The following MCF2L2 variants were observed in gnomAD, a reference collection of about 807,000 sequenced individuals.
The protein encoded by MCF2L2 is MCF.2 cell line derived transforming sequence-like 2.
A neutral mutation model predicts 150.2 loss-of-function variants in MCF2L2; 102 were observed. That is an observed-to-expected ratio of 0.68 (90% CI 0.58 to 0.80). The LOEUF (loss-of-function observed/expected upper bound fraction) is 0.80. Ranked by LOEUF, MCF2L2 falls within the 30% of genes least tolerant of loss-of-function variation. The probability of loss-of-function intolerance (pLI) is 0.00; values close to 1 mark genes in which losing one functional copy is unlikely to be tolerated. For synonymous variants in MCF2L2, 465 were observed against 491.3 expected (o/e 0.95, Z 0.71); for missense variants, 1,256 against 1,372.8 (o/e 0.91, Z 1.34).
At chr3:183,341,492 G>A in intron 4 of MCF2L2, 48 bp downstream of exon 4, 1 of 1,415,542 alleles carries the variant, frequency 7.1e-7, no homozygotes, top group Non-Finnish European at 1.0e-6. Context: ...TAGTTGAACA[G>A]ACAATTTAAA....
Position 183,428,072 on chromosome 3 carries a change from G to T in MCF2L2, c.-95C>A. On this transcript the variant is annotated 5_prime_UTR_variant, in exon 1 of 30. Coordinates refer to ENST00000328913, the MANE Select transcript of MCF2L2 (RefSeq NM_015078.4). This position sits in a 1 kb window ranked among gnomAD's most constrained non-coding sequence, Gnocchi z 5.1. ...TTTAAAGGCATCTCCGCCCAAGGAT[G>T]CTCTGCCCTCGCCCTCTTCCTGGCT... The T allele has an allele frequency of 1.1e-6, 1 of 934,500 alleles. No homozygotes were observed. Among genetic ancestry groups the T allele is most frequent in the Non-Finnish European group, 1.8e-6 (1 of 569,914 alleles). The allele number at this position is 934,500 out of a possible 1,614,324, so 57.9% of individuals were successfully genotyped here. A position where few individuals can be genotyped will look rare whatever the true frequency, so the allele number is the denominator to read the frequency against.
At chr3:183,238,364 G>A (rs1026646645) in intron 15 of MCF2L2, among the ~76,000 whole-genome samples, 2 of 151,244 alleles carry the variant, frequency 1.3e-5, no homozygotes, top group African/African-American at 2.4e-5. Context: ...GTGCAGTCTC[G>A]GCTCACTGCC....
intron 3 of MCF2L2, among the ~76,000 whole-genome samples, chr3:183,361,120 A>AAT (rs1712173535): frequency 1.1e-5 from 1 of 88,822 alleles, no homozygotes; most frequent in Admixed American, 9.8e-5. Flanking sequence ...GAAAAAAGAA[A>AAT]AAGAAAAGAA....
In MCF2L2 at chr3:183,193,028, T is replaced by C. The variant is rs1397588001; in HGVS notation, c.2987A>G (p.Asp996Gly). 1.2e-6 allele frequency: 2 copies of C among 1,614,088 alleles called. No homozygotes were observed. The highest frequency in any genetic ancestry group is 1.7e-6 in the Non-Finnish European group (2 of 1,180,002). The part of the protein sequence containing the change: ...NMERATTSKE[D>G]PASSTGGIKG... ...AATCCCTCCTGTGCTGGAGGCCGGG[T>C]CTTCCTTGCTAGTGGTAGCTCTTTC... The change falls in exon 27 of 30, where the codon GAC (aspartate) becomes GGC (glycine). Residue 996 changes from aspartate to glycine, a missense_variant. Transcript: ENST00000328913.
chr3:183,218,958 GCATGC>G (rs1723045084), intron 21 of MCF2L2, among the ~76,000 whole-genome samples: 2 of 152,190 alleles, frequency 1.3e-5, no homozygotes. Context: ...AGCAGAAAGG[GCATGC>G]AAATGACTGC....
At chr3:183,304,908 G>C (rs1729028823) in intron 10 of MCF2L2, among the ~76,000 whole-genome samples, 1 of 152,150 alleles carries the variant, frequency 6.6e-6, no homozygotes. Flanking sequence ...GCACTGCTCA[G>C]CTACCGCAGA....
At chr3:183,187,216 T>C (rs1243113707) in intron 27 of MCF2L2, among the ~76,000 whole-genome samples, 1 of 152,130 alleles carries the variant, frequency 6.6e-6, no homozygotes, top group African/African-American at 2.4e-5. Context: ...GAAACAACCA[T>C]GACGTGCTAT....
At chr3:183,418,785 C>G (rs1389584046) in intron 1 of MCF2L2, among the ~76,000 whole-genome samples, 1 of 152,242 alleles carries the variant, frequency 6.6e-6, no homozygotes, top group African/African-American at 2.4e-5. Context: ...GCCCCTGTGG[C>G]TCTGCAGGGT....
chr3:183,347,864 C>A lies in MCF2L2; in HGVS notation c.276-6234G>T, dbSNP rs1444608354. Among the ~76,000 whole-genome samples, 3 of 152,132 alleles carry A rather than the reference C, an allele frequency of 2.0e-5. No individual in the cohort carries two copies. In the East Asian group the frequency reaches 5.8e-4, roughly 29 times the overall value. ...AACCACAATGAGATACCATCTCACA[C>A]AAGTTAGAATTGTGATCATTAAGAA... On this transcript the variant is annotated intron_variant, in intron 3 of 29. Coordinates refer to ENST00000328913, the MANE Select transcript of MCF2L2 (RefSeq NM_015078.4).
intron 3 of MCF2L2, among the ~76,000 whole-genome samples, chr3:183,350,251 T>C (rs1731059550): frequency 6.6e-6 from 1 of 151,666 alleles, no homozygotes. Flanking sequence ...CTTTAAATCA[T>C]CCTCCCATAA....
At chr3:183,312,133 T>C (rs531601388) in intron 7 of MCF2L2, among the ~76,000 whole-genome samples, 5 of 152,212 alleles carry the variant, frequency 3.3e-5, no homozygotes, top group African/African-American at 9.6e-5. Flanking sequence ...ATACTGAATG[T>C]TGAACGCTAG....
At chr3:183,290,198 A>G (rs1022326533) in intron 13 of MCF2L2, among the ~76,000 whole-genome samples, 1 of 146,640 alleles carries the variant, frequency 6.8e-6, no homozygotes, top group Non-Finnish European at 1.5e-5. Context: ...ACACACAATC[A>G]TACTATGATT....
chr3:183,283,971 T>C lies in MCF2L2; in HGVS notation c.1776+5149A>G, dbSNP rs894933807. On this transcript the variant is annotated intron_variant, in intron 14 of 29. Coordinates refer to ENST00000328913, the MANE Select transcript of MCF2L2 (RefSeq NM_015078.4). The surrounding 1 kb of genome is among the most constrained non-coding windows in gnomAD (Gnocchi z 4.2). ...TTTATATTATAAATTATTAGAAATA[T>C]GTTGTTTCCCCCATGAAAGTTTCAA... 6.6e-6 allele frequency among the ~76,000 whole-genome samples: 1 copy of C among 152,220 alleles called. No homozygotes were observed. Among genetic ancestry groups the C allele is most frequent in the South Asian group, 2.1e-4 (1 of 4,832 alleles).
intron 24 of MCF2L2, 27 bp downstream of exon 24, chr3:183,206,095 G>C: frequency 1.9e-6 from 3 of 1,596,110 alleles, no homozygotes; most frequent in East Asian, 2.2e-5. Flanking sequence ...GAGTAGAGGA[G>C]ACCCATGGGG....
At chr3:183,191,129 G>A (rs1448126704) in intron 27 of MCF2L2, among the ~76,000 whole-genome samples, 1 of 152,104 alleles carries the variant, frequency 6.6e-6, no homozygotes, top group Non-Finnish European at 1.5e-5. Context: ...GCCCACCTCG[G>A]CCTCCCAAAG....
At position 183,318,095 on chromosome 3, in the gene MCF2L2, G is replaced by C. The variant is rs145190931; in HGVS notation, c.726C>G (p.Ser242=). 4.9e-5 allele frequency: 79 copies of C among 1,614,062 alleles called. No homozygotes were observed. In the African/African-American group the frequency reaches 9.5e-4, roughly 19 times the overall value. The change falls in exon 7 of 30, where the codon TCC becomes TCG. Residue 242 remains serine, a synonymous_variant. Coordinates refer to ENST00000328913, the MANE Select transcript of MCF2L2 (RefSeq NM_015078.4). ...SMLSTEDLLM[S]HTRQRDKLQD... ...GCAGCTTGTCCCGCTGCCTTGTGTG[G>C]GACATGAGAAGGTCTTCCGTGGATA...
chr3:183,286,900 T>C (rs1385942566), intron 14 of MCF2L2, among the ~76,000 whole-genome samples: 1 of 152,206 alleles, frequency 6.6e-6, no homozygotes, highest in Admixed American at 6.5e-5. Context: ...AGAAAACAAC[T>C]GAAGCACAGA....
At chr3:183,418,078 C>T (rs1046282446) in intron 1 of MCF2L2, among the ~76,000 whole-genome samples, 1 of 152,080 alleles carries the variant, frequency 6.6e-6, no homozygotes, top group African/African-American at 2.4e-5. Flanking sequence ...GTCCCAGCTA[C>T]TTGGGAGGCT....
At chr3:183,325,102 C>T (rs1207377257) in intron 5 of MCF2L2, among the ~76,000 whole-genome samples, 3 of 118,760 alleles carry the variant, frequency 2.5e-5, no homozygotes, top group Non-Finnish European at 4.9e-5. Context: ...GAACATCATA[C>T]TCCGGGGACT....
Sources: gnomAD v4.1 joint callset for allele counts (sites outside exome capture counted in the v4.1 genomes callset) on GRCh38, gnomAD v4.1.1 for gene constraint, Gnocchi (gnomAD v3.1) non-coding constraint, MANE v1.5 for transcripts, NCBI Gene and HGNC (gene_info 2026-07-23, HGNC 2026-07-21) for gene names.